Variants in ZNF883 observed in about 807,000 individuals in gnomAD.
ZNF883 encodes zinc finger protein 883.
At chr9:112,996,577 G>A (rs1230080078), downstream of ZNF883, among the ~76,000 whole-genome samples, 1 of 150,612 alleles carries the variant, frequency 6.6e-6, no homozygotes, top group African/African-American at 2.4e-5. Flanking sequence ...AGATCATGAG[G>A]TCAGGAGATC....
chr9:113,005,931 TTGTATC>T, intron 2 of ZNF883, among the ~76,000 whole-genome samples: 1 of 152,206 alleles, frequency 6.6e-6, no homozygotes. Context: ...TCTGTAGTCT[TTGTATC>T]TGAGATAGGA....
At chr9:113,003,564 C>T (rs547355501) in intron 2 of ZNF883, among the ~76,000 whole-genome samples, 1 of 142,250 alleles carries the variant, frequency 7.0e-6, no homozygotes, top group East Asian at 2.1e-4. Context: ...AGCGGTCTAA[C>T]ATATAAGTGG....
chr9:113,004,704 C>T (rs1177910354), intron 2 of ZNF883, among the ~76,000 whole-genome samples: 1 of 151,556 alleles, frequency 6.6e-6, no homozygotes, highest in African/African-American at 2.4e-5. Context: ...TTAAGCCACC[C>T]AGTCTACAGT....
At chr9:112,995,753 TAGA>T (rs1828347786), downstream of ZNF883, among the ~76,000 whole-genome samples, 1 of 152,166 alleles carries the variant, frequency 6.6e-6, no homozygotes, top group Non-Finnish European at 1.5e-5. Flanking sequence ...TGAAATAGTC[TAGA>T]AGTTCTAAAA....
At chr9:112,993,406 G>A (rs1201726597), downstream of ZNF883, among the ~76,000 whole-genome samples, 1 of 152,232 alleles carries the variant, frequency 6.6e-6, no homozygotes, top group Non-Finnish European at 1.5e-5. Flanking sequence ...AAATAGCAAA[G>A]ATGGCTGCCT....
In ZNF883 at chr9:113,009,515, T is replaced by C. The variant is rs1349086915; in HGVS notation, n.165+1626A>G. ...CAAGTATCTACAAGGCTCATATTCC[T>C]TTTTTTTTTTTTGAGACAGAGTCTT... On this transcript the variant is annotated intron_variant and non_coding_transcript_variant, in intron 2 of 4. Coordinates refer to the ZNF883 transcript ENST00000638622. Among the ~76,000 whole-genome samples the C allele has an allele frequency of 1.0e-4, 11 of 106,556 alleles. No individual in the cohort carries two copies. The East Asian group carries it at 7.2e-3, about 70-fold the overall frequency. 69.9% of individuals were successfully genotyped at this position (106,556 alleles called of 152,430 possible).
At chr9:112,988,313 A>C (rs1310063307) in intron 1 of ZNF883, among the ~76,000 whole-genome samples, 1 of 151,336 alleles carries the variant, frequency 6.6e-6, no homozygotes, top group Non-Finnish European at 1.5e-5. Context: ...TGCACCCCCA[A>C]CAGGCCCCAG....
chr9:112,998,264 A>G, upstream of ZNF883: 1 of 1,557,714 alleles, frequency 6.4e-7, no homozygotes, highest in South Asian at 1.2e-5. Context: ...TTCCATCAGT[A>G]CTGAACTATG....
rs369198869 is a variant in ZNF883 at position 113,011,389 on chromosome 9, C to T, written n.79-162G>A. Among the ~76,000 whole-genome samples the T allele has an allele frequency of 3.3e-5, 5 of 152,214 alleles. No homozygotes were observed. In the East Asian group the frequency reaches 7.7e-4, roughly 23 times the overall value. Reference sequence around the variant, plus strand: ...AGTGAAAGGCCACTTACATTCCTCTCTCTGGTCACTGGTCCAATCTGACAA... The same window carrying T: ...AGTGAAAGGCCACTTACATTCCTCTTTCTGGTCACTGGTCCAATCTGACAA... On this transcript the variant is annotated intron_variant and non_coding_transcript_variant, in intron 1 of 4. Coordinates refer to the ZNF883 transcript ENST00000638622.
At chr9:113,005,152 TAATAA>T (rs966236097) in intron 2 of ZNF883, among the ~76,000 whole-genome samples, 1 of 152,116 alleles carries the variant, frequency 6.6e-6, no homozygotes, top group East Asian at 1.9e-4. Context: ...GGGAAATCCT[TAATAA>T]AATATAAAAT....
In ZNF883 at chr9:112,997,522, G is replaced by C. The variant is rs367855848; in HGVS notation, n.738C>G. 3.1e-6 allele frequency: 5 copies of C among 1,613,968 alleles called. No individual in the cohort carries two copies. The African/African-American group carries it at 6.7e-5, about 22-fold the overall frequency. On this transcript the variant is annotated non_coding_transcript_exon_variant, in exon 1 of 1. Coordinates refer to ENST00000639662, the Ensembl canonical transcript of ZNF883. ...GTTCAGTAAGATGTGCACTCCGATT[G>C]AAGGCCTTTCCACATGCATTACACT...
At chr9:112,992,801 C>T (rs991817997), downstream of ZNF883, among the ~76,000 whole-genome samples, 17 of 152,048 alleles carry the variant, frequency 1.1e-4, no homozygotes, top group Admixed American at 9.2e-4. Flanking sequence ...ATCTTGTCTG[C>T]CCGTCTTATT....
At chr9:113,009,637 G>A (rs972788074) in intron 2 of ZNF883, among the ~76,000 whole-genome samples, 4 of 152,008 alleles carry the variant, frequency 2.6e-5, no homozygotes, top group Non-Finnish European at 4.4e-5. Context: ...AGCCTCCCGA[G>A]TAGCTGGGAC....
intron 2 of ZNF883, among the ~76,000 whole-genome samples, 150 bp downstream of exon 2, chr9:113,010,984 CAAAAAAA>C (rs35069505): frequency 8.5e-6 from 1 of 117,988 alleles, no homozygotes; most frequent in South Asian, 2.7e-4. Flanking sequence ...GACCTTGTCT[CAAAAAAA>C]AAAAAAAAAA....
intron 1 of ZNF883, among the ~76,000 whole-genome samples, chr9:112,991,442 T>C (rs1828301694): frequency 6.6e-6 from 1 of 151,956 alleles, no homozygotes; most frequent in Admixed American, 6.6e-5. Context: ...TGCTGTGGTC[T>C]GAGAGAGTGT....
chr9:112,992,503 C>A (rs1245139903), downstream of ZNF883, among the ~76,000 whole-genome samples: 1 of 152,158 alleles, frequency 6.6e-6, no homozygotes, highest in African/African-American at 2.4e-5. Context: ...TTCTGGCTGA[C>A]TTTAACATTT....
At chr9:112,990,106 TTTCTTTCTCTTGAC>T (rs1828287900) in intron 1 of ZNF883, among the ~76,000 whole-genome samples, 1 of 152,354 alleles carries the variant, frequency 6.6e-6, no homozygotes, top group Non-Finnish European at 1.5e-5. Flanking sequence ...ATACCCTTTA[TTTCTTTCTCTTGAC>T]TGATTGCCCT....
chr9:113,010,496 C>T (rs972552154), intron 2 of ZNF883, among the ~76,000 whole-genome samples: 6 of 152,132 alleles, frequency 3.9e-5, no homozygotes, highest in African/African-American at 7.2e-5. Context: ...TGTGCATACA[C>T]GTTATGAACT....
upstream of ZNF883, chr9:112,998,462 T>C (rs564858366): frequency 2.0e-4 from 82 of 406,288 alleles, 1 homozygote; most frequent in African/African-American, 1.3e-3. Context: ...GTTCCTACCA[T>C]TGATGTCATA....
Sources: gnomAD v4.1 joint callset for allele counts (sites outside exome capture counted in the v4.1 genomes callset) on GRCh38, gnomAD v4.1.1 for gene constraint, MANE v1.5 for transcripts, NCBI Gene and HGNC (gene_info 2026-07-23, HGNC 2026-07-21) for gene names.